The following PICALM variants were observed in gnomAD, a reference collection of about 807,000 sequenced individuals.
PICALM encodes phosphatidylinositol-binding clathrin assembly protein.
PICALM carries 40 observed loss-of-function variants against 80.5 expected under a neutral mutation model. That is an observed-to-expected ratio of 0.50 (90% CI 0.39 to 0.65). The LOEUF is 0.65. PICALM is among the 30% of genes least tolerant of loss of function. The pLI, the probability that PICALM is intolerant of heterozygous loss-of-function variation, is 0.00. For missense variants in PICALM, 676 were observed against 778.9 expected, an observed-to-expected ratio of 0.87 and a Z score of 1.57; for synonymous variants, 288 against 260.3, an observed-to-expected ratio of 1.11 and a Z score of -1.02.
intron 4 of PICALM, among the ~76,000 whole-genome samples, chr11:86,019,527 T>C (rs1254668172): frequency 6.6e-6 from 1 of 152,230 alleles, no homozygotes; most frequent in African/African-American, 2.4e-5. Flanking sequence ...AAATCTATTA[T>C]TCTGAAATCT....
chr11:86,029,850 A>G (rs1227120380), intron 2 of PICALM, among the ~76,000 whole-genome samples: 4 of 152,244 alleles, frequency 2.6e-5, no homozygotes, highest in African/African-American at 7.2e-5. Context: ...TTAAGCTAAT[A>G]CAGCCAAACA....
At chr11:86,022,238 CTCA>C (rs2095576564) in intron 4 of PICALM, 126 bp downstream of exon 4, 9 of 581,058 alleles carry the variant, frequency 1.5e-5, no homozygotes, top group Non-Finnish European at 3.0e-6. Context: ...CTTGATATAC[CTCA>C]TCAAAGAAAA....
intron 3 of PICALM, among the ~76,000 whole-genome samples, chr11:86,025,980 A>T (rs1433390538): frequency 6.6e-6 from 1 of 152,226 alleles, no homozygotes; most frequent in Non-Finnish European, 1.5e-5. Context: ...CTACTGATGC[A>T]GAGGTGAAGT....
chr11:85,965,453 C>T (rs1407635734), intron 19 of PICALM, among the ~76,000 whole-genome samples: 2 of 152,156 alleles, frequency 1.3e-5, no homozygotes, highest in Non-Finnish European at 2.9e-5. Flanking sequence ...TCCACAGAGA[C>T]ACTGAGTCAC....
At chr11:85,963,936 T>TTC (rs1357815723) in intron 19 of PICALM, among the ~76,000 whole-genome samples, 2 of 149,050 alleles carry the variant, frequency 1.3e-5, no homozygotes, top group Non-Finnish European at 3.0e-5. Flanking sequence ...TTTTTTTTTT[T>TTC]TTTTTTTATT....
chr11:86,068,828 T>G lies in PICALM; in HGVS notation c.-48A>C. ...CACCCGCTCAGCAGCCGGCGGGGAC[T>G]GGGACCCCCAAGAGCCGGAGGGTCC... On this transcript the variant is annotated 5_prime_UTR_variant, in exon 1 of 20. Coordinates refer to ENST00000393346, the MANE Select transcript of PICALM (RefSeq NM_007166.4). 6.5e-7 allele frequency: 1 copy of G among 1,550,094 alleles called. No homozygotes were observed. Among genetic ancestry groups the G allele is most frequent in the Non-Finnish European group, 8.7e-7 (1 of 1,152,246 alleles).
intron 11 of PICALM, among the ~76,000 whole-genome samples, chr11:85,997,606 G>A (rs2095012656): frequency 6.6e-6 from 1 of 152,188 alleles, no homozygotes; most frequent in Admixed American, 6.5e-5. Context: ...AAGCAGCTGG[G>A]ACTACAGGTG....
intron 1 of PICALM, among the ~76,000 whole-genome samples, chr11:86,039,764 G>A (rs1224467136): frequency 6.6e-6 from 1 of 152,054 alleles, no homozygotes; most frequent in Non-Finnish European, 1.5e-5. Flanking sequence ...ATCATTTTGG[G>A]AGGCCGAGGC....
At chr11:85,966,620 C>G (rs974876289) in intron 19 of PICALM, among the ~76,000 whole-genome samples, 1 of 152,090 alleles carries the variant, frequency 6.6e-6, no homozygotes, top group Non-Finnish European at 1.5e-5. Flanking sequence ...GAATTGTGAC[C>G]CCCCAAAAGA....
intron 11 of PICALM, among the ~76,000 whole-genome samples, chr11:85,997,362 T>A (rs2095001189): frequency 6.6e-6 from 1 of 152,212 alleles, no homozygotes; most frequent in South Asian, 2.1e-4. Context: ...TAACCTCACT[T>A]CTAGTGCCTC....
rs763507350 is a variant in PICALM, at chr11:86,001,055, C to T, written c.997G>A (p.Ala333Thr). ...EKQAALEEEQ[A>T]RLKALKEQRL... ...CTTACCTTTAAAGCTTTCAAACGTGCCTGTTCTTCCTCTAATGCTGCCTGC... is the reference window on the plus strand; with the variant it reads ...CTTACCTTTAAAGCTTTCAAACGTGTCTGTTCTTCCTCTAATGCTGCCTGC... Residue 333 changes from alanine (A) to threonine (T), a missense_variant, in exon 10 of 20, where the codon GCA becomes ACA. By Grantham distance (58) the Ala-to-Thr change is moderately conservative. Around this residue, in one of 2 missense-constraint regions of PICALM, gnomAD observed 285 missense variants for 395.4 expected, o/e 0.72. Transcript: ENST00000393346. 1.4e-5 allele frequency: 22 copies of T among 1,613,984 alleles called. No individual in the cohort carries two copies. Among genetic ancestry groups the T allele is most frequent in the Non-Finnish European group, 1.6e-5 (19 of 1,179,978 alleles).
chr11:86,006,041 C>T (rs1224169899), intron 8 of PICALM, among the ~76,000 whole-genome samples: 2 of 152,146 alleles, frequency 1.3e-5, no homozygotes, highest in African/African-American at 4.8e-5. Flanking sequence ...TACATCTAGC[C>T]TGAGGACAAT....
In PICALM at chr11:85,957,679, A is replaced by G. The variant is rs1230912459; in HGVS notation, c.*1367T>C. The stretch of plus-strand genomic sequence containing the variant: ...GCATCTCAGACCAGAATACCATAAC[A>G]AAACTTTTGTGGAAGCTGCATTTTA... On this transcript the variant is annotated 3_prime_UTR_variant, in exon 20 of 20. Transcript: ENST00000393346. 8.5e-5 allele frequency: 17 copies of G among 200,674 alleles called. No individual in the cohort carries two copies. The highest frequency in any genetic ancestry group is 1.5e-4 in the Non-Finnish European group (15 of 97,070). 12.4% of individuals were successfully genotyped at this position (200,674 alleles called of 1,614,324 possible). A position where few individuals can be genotyped will look rare whatever the true frequency, so the allele number is the denominator to read the frequency against.
At chr11:86,033,156 C>T (rs2095787823) in intron 1 of PICALM, among the ~76,000 whole-genome samples, 1 of 152,180 alleles carries the variant, frequency 6.6e-6, no homozygotes, top group Non-Finnish European at 1.5e-5. Context: ...CTTCATAGCA[C>T]TTTATAACTG....
chr11:86,005,560 T>C (rs1170795080), intron 8 of PICALM, among the ~76,000 whole-genome samples: 1 of 151,848 alleles, frequency 6.6e-6, no homozygotes, highest in Non-Finnish European at 1.5e-5. Flanking sequence ...AAAAAATTAG[T>C]TGGGTGTGGT....
At chr11:86,008,885 G>C (rs1332768617) in intron 7 of PICALM, among the ~76,000 whole-genome samples, 1 of 140,702 alleles carries the variant, frequency 7.1e-6, no homozygotes, top group Non-Finnish European at 1.5e-5. Flanking sequence ...TTGAGCCCAG[G>C]AGTTTGAGAC....
chr11:86,062,473 G>A (rs181314330), intron 1 of PICALM, among the ~76,000 whole-genome samples: 3 of 151,100 alleles, frequency 2.0e-5, no homozygotes, highest in Non-Finnish European at 4.4e-5. Flanking sequence ...AGCTGAGATC[G>A]CACCACTGCA....
chr11:86,019,247 T>C (rs1444973679), intron 4 of PICALM, among the ~76,000 whole-genome samples: 2 of 142,388 alleles, frequency 1.4e-5, no homozygotes, highest in Non-Finnish European at 3.0e-5. Flanking sequence ...TGTCATGTCC[T>C]CAATTTATAC....
intron 19 of PICALM, among the ~76,000 whole-genome samples, chr11:85,970,699 C>T (rs1001837647): frequency 6.6e-6 from 1 of 151,938 alleles, no homozygotes; most frequent in Non-Finnish European, 1.5e-5. Context: ...TCCCAGCTGC[C>T]GGGGAGGCTG....
Sources: allele counts gnomAD v4.1 joint callset (sites outside exome capture counted in the v4.1 genomes callset), GRCh38; gene constraint gnomAD v4.1.1; regional missense constraint gnomAD v4.1.1; transcripts MANE v1.5; gene names NCBI Gene and HGNC (gene_info 2026-07-23, HGNC 2026-07-21).